CCDC68: variants seen among roughly 807,000 people sequenced by gnomAD.
CCDC68 encodes coiled-coil domain containing 68, also known as coiled-coil domain-containing protein 68.
A neutral mutation model predicts 47.1 loss-of-function variants in CCDC68; 45 were observed. The observed-to-expected ratio is 0.96, with a 90% confidence interval of 0.75 to 1.23. The LOEUF (loss-of-function observed/expected upper bound fraction) is 1.23, where lower values mean the gene tolerates loss of function less well. CCDC68 is among the 50% of genes most tolerant of loss of function. The probability of loss-of-function intolerance (pLI) is 0.00; values close to 1 mark genes in which losing one functional copy is unlikely to be tolerated. For missense variants in CCDC68, 353 were observed against 373.6 expected (o/e 0.94, Z 0.45); for synonymous variants, 131 against 129.5 (o/e 1.01, Z -0.08).
At chr18:54,941,313 T>C (rs2044433477) in intron 3 of CCDC68, among the ~76,000 whole-genome samples, 1 of 152,202 alleles carries the variant, frequency 6.6e-6, no homozygotes, top group African/African-American at 2.4e-5. Context: ...CAGACAAATC[T>C]AAAATATCAC....
chr18:54,947,480 G>C (rs2044546600), intron 1 of CCDC68, among the ~76,000 whole-genome samples: 1 of 152,206 alleles, frequency 6.6e-6, no homozygotes, highest in Non-Finnish European at 1.5e-5. Context: ...AGCCTGCCTA[G>C]TCTCATGGCT....
rs184021998 is a variant in CCDC68 at position 54,940,125 on chromosome 18, C to T, written c.204+872G>A. Among the ~76,000 whole-genome samples, 15 of 152,264 alleles carry T rather than the reference C, an allele frequency of 9.9e-5. 2 individuals are homozygous for T. The East Asian group carries it at 2.9e-3, about 29-fold the overall frequency. On this transcript the variant is annotated intron_variant, in intron 4 of 11. Coordinates refer to ENST00000591504, the MANE Select transcript of CCDC68 (RefSeq NM_025214.3). ...TCTCTCATTTCTCTCCACACTCACT[C>T]ACTTGGTAAACTTCTCCAGTTTCAG...
chr18:54,951,180 T>A (rs8097539), intron 1 of CCDC68, among the ~76,000 whole-genome samples: 1 of 151,094 alleles, frequency 6.6e-6, no homozygotes, highest in Non-Finnish European at 1.5e-5. Flanking sequence ...AGTGCTGGGA[T>A]TACAGGCGTG....
chr18:54,908,829 C>T (rs542153074), intron 10 of CCDC68, among the ~76,000 whole-genome samples: 1 of 152,216 alleles, frequency 6.6e-6, no homozygotes, highest in Admixed American at 6.5e-5. Context: ...TTCCACTCAG[C>T]CTCCCGAATA....
At chr18:54,949,633 T>C (rs570684853) in intron 1 of CCDC68, among the ~76,000 whole-genome samples, 5 of 152,334 alleles carry the variant, frequency 3.3e-5, no homozygotes, top group Non-Finnish European at 5.9e-5. Context: ...GCTGGATGTC[T>C]GGCAGGTTTT....
At chr18:54,924,080 G>A (rs960877673) in intron 8 of CCDC68, among the ~76,000 whole-genome samples, 3 of 152,140 alleles carry the variant, frequency 2.0e-5, no homozygotes, top group Non-Finnish European at 2.9e-5. Context: ...GGAGGCAAAT[G>A]TCTGTATCTG....
At chr18:54,910,326 A>G (rs971197567) in intron 10 of CCDC68, among the ~76,000 whole-genome samples, 9 of 152,230 alleles carry the variant, frequency 5.9e-5, no homozygotes, top group Admixed American at 2.6e-4. Context: ...TTGTCCCAAT[A>G]TCTGCTTGAT....
chr18:54,954,761 T>C (rs1303465308), intron 1 of CCDC68: 1 of 152,166 alleles, frequency 6.6e-6, no homozygotes, highest in Non-Finnish European at 1.5e-5. Flanking sequence ...GCATTTGTTT[T>C]AGAATTTTAA....
chr18:54,943,032 G>A lies in CCDC68; in HGVS notation c.-12-229C>T, dbSNP rs139728494. On this transcript the variant is annotated intron_variant, in intron 2 of 11. Transcript: ENST00000591504. Reference sequence around the variant, plus strand: ...TTTAACATTTAAATAATCTAAAAAGGTAAAATCTGAAATTTCTCTTTTTAT... The same window carrying A: ...TTTAACATTTAAATAATCTAAAAAGATAAAATCTGAAATTTCTCTTTTTAT... The A allele has an allele frequency of 9.2e-3, 2,910 of 316,228 alleles. 15 individuals are homozygous for A. The highest frequency in any genetic ancestry group is 0.014 in the Non-Finnish European group (2,399 of 173,944). The allele number at this position is 316,228 out of a possible 1,614,324, so 19.6% of individuals were successfully genotyped here. A position where few individuals can be genotyped will look rare whatever the true frequency, so the allele number is the denominator to read the frequency against.
Position 54,902,099 on chromosome 18 carries a change from A to T in CCDC68, c.*2259T>A, listed in dbSNP as rs774097074. 1 of 149,888 alleles carries T rather than the reference A, an allele frequency of 6.7e-6. No homozygotes were observed. Among genetic ancestry groups the T allele is most frequent in the Non-Finnish European group, 1.5e-5 (1 of 67,778 alleles). 9.3% of individuals were successfully genotyped at this position (149,888 alleles called of 1,614,324 possible). A position where few individuals can be genotyped will look rare whatever the true frequency, so the allele number is the denominator to read the frequency against. Reference sequence around the variant, plus strand: ...TTCTCCCAAAGTTAGCTTGGCCCACACTCAGGAACGACCAAGGGCAGTTTC... The same window carrying T: ...TTCTCCCAAAGTTAGCTTGGCCCACTCTCAGGAACGACCAAGGGCAGTTTC... On this transcript the variant is annotated 3_prime_UTR_variant, in exon 12 of 12. Coordinates refer to ENST00000591504, the MANE Select transcript of CCDC68 (RefSeq NM_025214.3).
At chr18:54,909,100 C>A (rs1373699181) in intron 10 of CCDC68, among the ~76,000 whole-genome samples, 1 of 152,190 alleles carries the variant, frequency 6.6e-6, no homozygotes, top group East Asian at 1.9e-4. Context: ...CAAGCTGTTT[C>A]CTCCTGTCCA....
chr18:54,950,102 T>G (rs1238693082), intron 1 of CCDC68, among the ~76,000 whole-genome samples: 1 of 152,190 alleles, frequency 6.6e-6, no homozygotes. Context: ...TAAATTCTTC[T>G]TCTACCAAGT....
At chr18:54,916,624 A>G (rs573941169) in intron 10 of CCDC68, among the ~76,000 whole-genome samples, 1 of 152,098 alleles carries the variant, frequency 6.6e-6, no homozygotes, top group Non-Finnish European at 1.5e-5. Flanking sequence ...CACGGCAAGA[A>G]ATGGAATGAG....
chr18:54,923,424 T>C (rs904261926), intron 8 of CCDC68, among the ~76,000 whole-genome samples: 2 of 150,438 alleles, frequency 1.3e-5, no homozygotes, highest in African/African-American at 4.9e-5. Flanking sequence ...GGTATTACCA[T>C]AGCGTTCACT....
intron 2 of CCDC68, among the ~76,000 whole-genome samples, chr18:54,943,803 T>C (rs996864824): frequency 6.6e-6 from 1 of 152,120 alleles, no homozygotes; most frequent in Non-Finnish European, 1.5e-5. Flanking sequence ...GTTAACATCA[T>C]GAAGAATCAA....
At chr18:54,925,501 G>T (rs537379592) in intron 8 of CCDC68, among the ~76,000 whole-genome samples, 19 of 152,274 alleles carry the variant, frequency 1.2e-4, no homozygotes, top group African/African-American at 4.6e-4. Context: ...GAAGCCAAAA[G>T]AACTAGGTGC....
At chr18:54,923,543 A>G (rs1235527680) in intron 8 of CCDC68, among the ~76,000 whole-genome samples, 1 of 152,212 alleles carries the variant, frequency 6.6e-6, no homozygotes, top group Non-Finnish European at 1.5e-5. Flanking sequence ...GTCTCCATTA[A>G]CACACTAAAA....
At chr18:54,939,981 C>T (rs546331815) in intron 4 of CCDC68, among the ~76,000 whole-genome samples, 1 of 152,058 alleles carries the variant, frequency 6.6e-6, no homozygotes, top group South Asian at 2.1e-4. Flanking sequence ...ACCCTAGAGC[C>T]CTGAAATCTC....
chr18:54,928,976 A>G, intron 7 of CCDC68, 94 bp from the exon 8 acceptor site: 1 of 712,502 alleles, frequency 1.4e-6, no homozygotes, highest in Non-Finnish European at 2.5e-6. Flanking sequence ...CTTGAGCTAA[A>G]GAGTTAATTT....
Sources: allele counts gnomAD v4.1 joint callset (sites outside exome capture counted in the v4.1 genomes callset), GRCh38; gene constraint gnomAD v4.1.1; transcripts MANE v1.5; gene names NCBI Gene and HGNC (gene_info 2026-07-23, HGNC 2026-07-21).